Variants in TEAD4 observed in about 807,000 individuals in gnomAD.
TEAD4 encodes TEA domain transcription factor 4, also known as transcriptional enhancer factor TEF-3.
In TEAD4, 36 loss-of-function variants were observed where a neutral mutation model predicts 52.4. The observed-to-expected ratio is 0.69, with a 90% confidence interval of 0.53 to 0.91. TEAD4 has a LOEUF of 0.91. Ranked by LOEUF, TEAD4 falls within the 40% of genes least tolerant of loss-of-function variation. TEAD4 has a pLI of 0.00. For missense variants in TEAD4, 508 were observed against 583.9 expected, an observed-to-expected ratio of 0.87 and a Z score of 1.34; for synonymous variants, 220 against 231.0, an observed-to-expected ratio of 0.95 and a Z score of 0.43.
intron 10 of TEAD4, 27 bp from the exon 11 acceptor site, chr12:3,037,941 C>G (rs748500267): frequency 2.5e-6 from 4 of 1,601,642 alleles, no homozygotes; most frequent in Middle Eastern, 1.7e-4. Context: ...GCTGACACTC[C>G]CTCGCCTTCC....
At chr12:3,038,168 G>A in intron 11 of TEAD4, 60 bp downstream of exon 11, 2 of 1,558,528 alleles carry the variant, frequency 1.3e-6, no homozygotes, top group Non-Finnish European at 1.7e-6. Flanking sequence ...GCTGGGCATG[G>A]CTTCCATTTG....
chr12:2,991,329 A>G (rs182309566), intron 2 of TEAD4, among the ~76,000 whole-genome samples: 435 of 152,338 alleles, frequency 2.9e-3, no homozygotes, highest in African/African-American at 0.01. Context: ...CATCTTATCT[A>G]CTATATTGCC....
At chr12:2,968,230 G>A (rs2098222078) in intron 2 of TEAD4, among the ~76,000 whole-genome samples, 1 of 151,626 alleles carries the variant, frequency 6.6e-6, no homozygotes, top group Non-Finnish European at 1.5e-5. Flanking sequence ...GGAATTACGG[G>A]CATTTGCCAC....
chr12:3,008,600 T>G lies in TEAD4; in HGVS notation c.227-2404T>G, dbSNP rs536543817. Reference sequence around the variant, plus strand: ...TGATGATCCTAATCCAAGTCAGAGATGGCGGGAGCTTGGACCCTGGAGGGT... The same window carrying G: ...TGATGATCCTAATCCAAGTCAGAGAGGGCGGGAGCTTGGACCCTGGAGGGT... On this transcript the variant is annotated intron_variant, in intron 3 of 12. Transcript: ENST00000359864. 2.6e-5 allele frequency among the ~76,000 whole-genome samples: 4 copies of G among 152,188 alleles called. No individual in the cohort carries two copies. The East Asian group carries it at 7.7e-4, about 29-fold the overall frequency.
At chr12:3,000,092 T>TG (rs2098250500) in intron 3 of TEAD4, among the ~76,000 whole-genome samples, 1 of 152,164 alleles carries the variant, frequency 6.6e-6, no homozygotes, top group Non-Finnish European at 1.5e-5. Context: ...TGAGGCCGTG[T>TG]GGTCTCTGCT....
At chr12:2,973,035 T>C (rs1382985690) in intron 2 of TEAD4, among the ~76,000 whole-genome samples, 2 of 152,172 alleles carry the variant, frequency 1.3e-5, no homozygotes, top group Admixed American at 6.5e-5. Flanking sequence ...CTGGCCACGC[T>C]GATCTGTTCA....
At chr12:2,978,335 T>G (rs775188730) in intron 2 of TEAD4, among the ~76,000 whole-genome samples, 2 of 152,060 alleles carry the variant, frequency 1.3e-5, no homozygotes, top group Non-Finnish European at 2.9e-5. Context: ...TTTTTCATCT[T>G]CCGAAACTGA....
chr12:2,968,305 C>G (rs975462085), intron 2 of TEAD4, among the ~76,000 whole-genome samples: 1 of 149,778 alleles, frequency 6.7e-6, no homozygotes, highest in Non-Finnish European at 1.5e-5. Context: ...AGGCTGGTCT[C>G]GAACTCCCGA....
rs530322432 is a variant in TEAD4, at chr12:3,018,998, C to T, written c.528-117C>T. ...GCGGGAGTAGGAGGCCAAGGCCCATCGGGACCACTGAAATCCAGACCACCA... is the reference window on the plus strand; with the variant it reads ...GCGGGAGTAGGAGGCCAAGGCCCATTGGGACCACTGAAATCCAGACCACCA... On this transcript the variant is annotated intron_variant, in intron 7 of 12. Coordinates refer to ENST00000359864, the MANE Select transcript of TEAD4 (RefSeq NM_003213.4). 2.9e-5 allele frequency: 38 copies of T among 1,308,326 alleles called. No homozygotes were observed. In the East Asian group the frequency reaches 3.7e-4, roughly 13 times the overall value. 81.0% of individuals were successfully genotyped at this position (1,308,326 alleles called of 1,614,324 possible).
chr12:2,963,437 T>A (rs529637370), intron 2 of TEAD4, among the ~76,000 whole-genome samples: 1 of 152,284 alleles, frequency 6.6e-6, no homozygotes, highest in South Asian at 2.1e-4. Context: ...CCCATGACCC[T>A]TTGTTGGCCG....
intron 2 of TEAD4, among the ~76,000 whole-genome samples, chr12:2,976,344 A>G (rs1288761618): frequency 1.6e-5 from 1 of 62,998 alleles, no homozygotes; most frequent in Non-Finnish European, 4.1e-5. Flanking sequence ...TCTGAATAGT[A>G]TTACACCCTG....
chr12:2,998,004 C>T (rs1030420187), intron 3 of TEAD4, among the ~76,000 whole-genome samples: 3 of 152,150 alleles, frequency 2.0e-5, no homozygotes, highest in Non-Finnish European at 4.4e-5. Context: ...TCGCCATCCT[C>T]CCCGCCCTCC....
At chr12:3,026,531 T>C (rs1187252767) in intron 10 of TEAD4, among the ~76,000 whole-genome samples, 2 of 152,232 alleles carry the variant, frequency 1.3e-5, no homozygotes, top group Non-Finnish European at 2.9e-5. Flanking sequence ...GTAGCCATCT[T>C]CCAACCATCA....
chr12:2,966,868 G>A (rs939188381), intron 2 of TEAD4, among the ~76,000 whole-genome samples: 2 of 152,014 alleles, frequency 1.3e-5, no homozygotes, highest in Admixed American at 1.3e-4. Flanking sequence ...CACCACGCCT[G>A]GCTAATTTTT....
intron 3 of TEAD4, among the ~76,000 whole-genome samples, chr12:3,008,435 G>A (rs549340369): frequency 1.8e-4 from 28 of 152,284 alleles, no homozygotes; most frequent in African/African-American, 5.8e-4. Flanking sequence ...GATCCTGCAG[G>A]GGTTTCCAGG....
rs1160954722 is a variant in TEAD4 at position 3,019,230 on chromosome 12, C to T, written c.583+60C>T. On this transcript the variant is annotated intron_variant, in intron 8 of 12. Coordinates refer to ENST00000359864, the MANE Select transcript of TEAD4 (RefSeq NM_003213.4). ...AGCCATGTGGCTCCTGCCTCTGGGT[C>T]CAGGCCCCCGGCAGCCGAACGCCTG... 11 of 1,596,982 alleles carry T rather than the reference C, an allele frequency of 6.9e-6. No homozygotes were observed. In the Admixed American group the frequency reaches 1.0e-4, roughly 15 times the overall value.
At chr12:2,965,721 T>A (rs139196543) in intron 2 of TEAD4, among the ~76,000 whole-genome samples, 7 of 152,050 alleles carry the variant, frequency 4.6e-5, no homozygotes, top group African/African-American at 1.7e-4. Flanking sequence ...TTTTTTGTAT[T>A]TTTTAGTAGA....
At chr12:2,971,854 C>T (rs568336785) in intron 2 of TEAD4, among the ~76,000 whole-genome samples, 1 of 147,502 alleles carries the variant, frequency 6.8e-6, no homozygotes, top group African/African-American at 2.5e-5. Flanking sequence ...ACTCTATCAC[C>T]CAGGCTGGAG....
At chr12:2,963,803 A>G (rs1208609531) in intron 2 of TEAD4, among the ~76,000 whole-genome samples, 1 of 152,140 alleles carries the variant, frequency 6.6e-6, no homozygotes, top group African/African-American at 2.4e-5. Flanking sequence ...GTCCTCCTGC[A>G]TTTAATACAG....
Sources: allele counts gnomAD v4.1 joint callset (sites outside exome capture counted in the v4.1 genomes callset), GRCh38; gene constraint gnomAD v4.1.1; transcripts MANE v1.5; gene names NCBI Gene and HGNC (gene_info 2026-07-23, HGNC 2026-07-21).